PARD3: variants seen among roughly 807,000 people sequenced by gnomAD.
The protein encoded by PARD3 is partitioning defective 3 homolog.
PARD3 carries 75 observed loss-of-function variants against 155.4 expected under a neutral mutation model. That is an observed-to-expected ratio of 0.48 (90% CI 0.40 to 0.58). PARD3 has a LOEUF of 0.58. Among genes scored for constraint, PARD3 ranks in the 20% least tolerant of loss-of-function variants. The pLI, the probability that PARD3 is intolerant of heterozygous loss-of-function variation, is 0.00. For synonymous variants in PARD3, 576 were observed against 610.5 expected (o/e 0.94, Z 0.83); for missense variants, 1,642 against 1,721.7 (o/e 0.95, Z 0.82).
At chr10:34,546,545 GTTT>G (rs1289546193) in intron 2 of PARD3, among the ~76,000 whole-genome samples, 3 of 115,144 alleles carry the variant, frequency 2.6e-5, no homozygotes, top group Non-Finnish European at 3.7e-5. Context: ...TTTTGTTGTT[GTTT>G]TTTTTTGAGA....
At chr10:34,513,052 T>C (rs978480857) in intron 3 of PARD3, among the ~76,000 whole-genome samples, 3 of 152,204 alleles carry the variant, frequency 2.0e-5, no homozygotes, top group Non-Finnish European at 4.4e-5. Context: ...AAAAAATATA[T>C]TTATGGTCAG....
At chr10:34,722,676 G>C (rs2133745345) in intron 1 of PARD3, among the ~76,000 whole-genome samples, 1 of 152,276 alleles carries the variant, frequency 6.6e-6, no homozygotes, top group Admixed American at 6.5e-5. Flanking sequence ...GCTGTTGACA[G>C]CCTTCATCTC....
At chr10:34,717,426 A>G in intron 1 of PARD3, among the ~76,000 whole-genome samples, 1 of 152,144 alleles carries the variant, frequency 6.6e-6, no homozygotes, top group East Asian at 1.9e-4. Context: ...CCATAATACA[A>G]AATTAAAAGT....
chr10:34,203,685 A>AT lies in PARD3; in HGVS notation c.3419+65971dup, dbSNP rs200161523. Reference sequence around the variant, plus strand: ...TCAGTGGAGATGCAATCATTCATTCATTTTTTCCCCGGGTATTTATGATCT... The same window carrying AT: ...TCAGTGGAGATGCAATCATTCATTCATTTTTTTCCCCGGGTATTTATGATCT... On this transcript the variant is annotated intron_variant, in intron 22 of 24. Coordinates refer to ENST00000374788, the MANE Select transcript of PARD3 (RefSeq NM_001184785.2). Among the ~76,000 whole-genome samples the AT allele has an allele frequency of 1.1e-3, 163 of 152,220 alleles. 1 individual carries two copies. In the East Asian group the frequency reaches 0.019, roughly 18 times the overall value.
chr10:34,501,876 A>G (rs192956356), intron 3 of PARD3, among the ~76,000 whole-genome samples: 4 of 152,258 alleles, frequency 2.6e-5, no homozygotes, highest in Non-Finnish European at 5.9e-5. Context: ...ACCAAAACTC[A>G]AGAGTGGAAA....
chr10:34,581,313 C>T (rs1489139980), intron 2 of PARD3, among the ~76,000 whole-genome samples: 1 of 145,162 alleles, frequency 6.9e-6, no homozygotes, highest in Non-Finnish European at 1.5e-5. Flanking sequence ...CGGCTCACTG[C>T]AACCTCCACC....
intron 3 of PARD3, among the ~76,000 whole-genome samples, chr10:34,516,771 T>C (rs1391700526): frequency 6.6e-6 from 1 of 152,202 alleles, no homozygotes; most frequent in Admixed American, 6.6e-5. Flanking sequence ...TCACGGAAAG[T>C]CTACTAGTCG....
In PARD3 at chr10:34,134,718, C is replaced by CTT. The variant is rs745989376; in HGVS notation, c.3420-3136_3420-3135insAA. On this transcript the variant is annotated intron_variant, in intron 22 of 24. Coordinates refer to ENST00000374788, the MANE Select transcript of PARD3 (RefSeq NM_001184785.2). The stretch of plus-strand genomic sequence containing the variant: ...TAAGACTGGCAAAACCACTTAATGG[C>CTT]TGAAGTTGGAAAACAGGCTGCAATG... Among the ~76,000 whole-genome samples, 1,166 of 152,300 alleles carry CTT rather than the reference C, an allele frequency of 7.7e-3. 5 individuals are homozygous for CTT. Among genetic ancestry groups the CTT allele is most frequent in the Admixed American group, 0.013 (200 of 15,292 alleles).
At chr10:34,300,381 A>C (rs2134015847) in intron 20 of PARD3, among the ~76,000 whole-genome samples, 1 of 152,332 alleles carries the variant, frequency 6.6e-6, no homozygotes, top group South Asian at 2.1e-4. Flanking sequence ...TTGGCCAGGC[A>C]TGGTAGCTGA....
intron 1 of PARD3, among the ~76,000 whole-genome samples, chr10:34,800,074 G>A (rs1169246192): frequency 2.0e-5 from 3 of 151,808 alleles, no homozygotes; most frequent in African/African-American, 4.8e-5. Flanking sequence ...AGGCTACAGT[G>A]AGCCATGATC....
chr10:34,375,991 C>T (rs193013737), intron 10 of PARD3, among the ~76,000 whole-genome samples: 2 of 152,114 alleles, frequency 1.3e-5, no homozygotes, highest in African/African-American at 4.8e-5. Context: ...AATTTATACC[C>T]CAAGGACAAG....
At chr10:34,240,097 C>T (rs1428805710) in intron 22 of PARD3, among the ~76,000 whole-genome samples, 3 of 152,146 alleles carry the variant, frequency 2.0e-5, no homozygotes, top group African/African-American at 7.2e-5. Context: ...TTGTTTAAGG[C>T]ACAATTATGA....
intron 2 of PARD3, among the ~76,000 whole-genome samples, chr10:34,683,251 G>A (rs1158495411): frequency 1.3e-5 from 2 of 152,030 alleles, no homozygotes; most frequent in Non-Finnish European, 2.9e-5. Context: ...GGGAGGCGGG[G>A]AGAGAAGCAA....
At chr10:34,598,435 T>C (rs978393895) in intron 2 of PARD3, among the ~76,000 whole-genome samples, 12 of 152,218 alleles carry the variant, frequency 7.9e-5, no homozygotes, top group Admixed American at 2.0e-4. Context: ...CCTTGACTTA[T>C]ATATCTTAGT....
chr10:34,621,757 T>C (rs2091691565), intron 2 of PARD3, among the ~76,000 whole-genome samples: 1 of 152,222 alleles, frequency 6.6e-6, no homozygotes, highest in Non-Finnish European at 1.5e-5. Context: ...ACAAATGCAA[T>C]TACATCATGT....
intron 22 of PARD3, among the ~76,000 whole-genome samples, chr10:34,152,769 A>T (rs979766554): frequency 7.1e-6 from 1 of 141,698 alleles, no homozygotes; most frequent in Non-Finnish European, 1.6e-5. Flanking sequence ...CTGTTTTCCC[A>T]TGCAGACAAC....
chr10:34,387,734 A>T (rs1842490980), intron 7 of PARD3, among the ~76,000 whole-genome samples: 1 of 152,098 alleles, frequency 6.6e-6, no homozygotes. Context: ...TAACATCAAT[A>T]ATTTTTTTCA....
rs71033345 is a variant in PARD3, at chr10:34,741,174, A to ATTTTTTTTTTTTTTTTTTTT, written c.121-44775_121-44756dup. ...CAACTGCTGTGTTTTCGTAAACCAA[A>ATTTTTTTTTTTTTTTTTTTT]TTTTTTTTTTTTTTTTTTTTGTTTG... On this transcript the variant is annotated intron_variant, in intron 1 of 24. Coordinates refer to ENST00000374788, the MANE Select transcript of PARD3 (RefSeq NM_001184785.2). Among the ~76,000 whole-genome samples the ATTTTTTTTTTTTTTTTTTTT allele has an allele frequency of 6.1e-5, 7 of 114,306 alleles. 1 individual carries two copies. Among genetic ancestry groups the ATTTTTTTTTTTTTTTTTTTT allele is most frequent in the South Asian group, 6.6e-4 (2 of 3,038 alleles). The allele number at this position is 114,306 out of a possible 152,430, so 75.0% of individuals were successfully genotyped here. A position where few individuals can be genotyped will look rare whatever the true frequency, so the allele number is the denominator to read the frequency against.
At chr10:34,369,308 A>ATTTATTTG (rs141634723) in intron 12 of PARD3, among the ~76,000 whole-genome samples, 1 of 79,970 alleles carries the variant, frequency 1.3e-5, no homozygotes, top group Non-Finnish European at 2.5e-5. Context: ...TGATTTATTT[A>ATTTATTTG]TTTATTTGTT....
Sources: allele counts gnomAD v4.1 joint callset (sites outside exome capture counted in the v4.1 genomes callset), GRCh38; gene constraint gnomAD v4.1.1; transcripts MANE v1.5; gene names NCBI Gene and HGNC (gene_info 2026-07-23, HGNC 2026-07-21).